The following CFAP46 variants were observed in gnomAD, a reference collection of about 807,000 sequenced individuals.
CFAP46 encodes the protein cilia and flagella associated protein 46.
CFAP46 carries 245 observed loss-of-function variants against 325.7 expected under a neutral mutation model. That is an observed-to-expected ratio of 0.75 (90% CI 0.68 to 0.84). CFAP46 has a LOEUF of 0.84. Among genes scored for constraint, CFAP46 ranks in the 40% least tolerant of loss-of-function variants. CFAP46 has a pLI of 0.00. For missense variants in CFAP46, 3,346 were observed against 3,543.0 expected (o/e 0.94, Z 1.41); for synonymous variants, 1,523 against 1,495.9 (o/e 1.02, Z -0.42).
rs1310003467 is a variant in CFAP46, at chr10:132,886,820, T to C, written c.3305-861A>G. ...GGGAAGGGGTGCTGAGTGGCGGGTC[T>C]GTGCCTTGTTGCTGCCCCCGACCCA... On this transcript the variant is annotated intron_variant, in intron 25 of 57. Coordinates refer to ENST00000368586, the MANE Select transcript of CFAP46 (RefSeq NM_001200049.3). This position sits in a 1 kb window ranked among gnomAD's most constrained non-coding sequence, Gnocchi z 5.8. 6.6e-6 allele frequency among the ~76,000 whole-genome samples: 1 copy of C among 152,002 alleles called. No individual in the cohort carries two copies. Among genetic ancestry groups the C allele is most frequent in the East Asian group, 1.9e-4 (1 of 5,184 alleles).
rs369789762 is a variant in CFAP46 at position 132,832,780 on chromosome 10, C to T, written c.7117+578G>A. 7.2e-5 allele frequency: 34 copies of T among 471,126 alleles called. No homozygotes were observed. The highest frequency in any genetic ancestry group is 4.8e-4 in the African/African-American group (24 of 50,034). The allele number at this position is 471,126 out of a possible 1,614,324, so 29.2% of individuals were successfully genotyped here. A position where few individuals can be genotyped will look rare whatever the true frequency, so the allele number is the denominator to read the frequency against. On this transcript the variant is annotated intron_variant, in intron 50 of 57. Coordinates refer to ENST00000368586, the MANE Select transcript of CFAP46 (RefSeq NM_001200049.3). The surrounding 1 kb of genome is among the most constrained non-coding windows in gnomAD (Gnocchi z 4.1). The stretch of plus-strand genomic sequence containing the variant: ...CCAGCCGAGGTCAGGGCCTTCCGCG[C>T]GCTCCCTCGTGCTTTTCACTGTCTG...
chr10:132,926,779 C>A, intron 9 of CFAP46, 113 bp from the exon 10 acceptor site: 1 of 797,124 alleles, frequency 1.3e-6, no homozygotes, highest in Middle Eastern at 2.4e-4. Context: ...TTAACAAATA[C>A]AAGTCACACG....
chr10:132,815,817 T>G (rs552501892), intron 50 of CFAP46, among the ~76,000 whole-genome samples: 38 of 152,226 alleles, frequency 2.5e-4, no homozygotes, highest in Non-Finnish European at 4.4e-4. Context: ...AAAGCTGAAC[T>G]GAGTGATGGC....
At chr10:132,928,680 G>T (rs1849846612) in intron 9 of CFAP46, among the ~76,000 whole-genome samples, 3 of 152,160 alleles carry the variant, frequency 2.0e-5, no homozygotes, top group African/African-American at 7.2e-5. Flanking sequence ...ACACAGGGAG[G>T]CCCCAGCATG....
Position 132,898,685 on chromosome 10 carries a change from C to G in CFAP46, c.3219+274G>C, listed in dbSNP as rs117167460. ...TAAGGCAGGGACTGTGCTGGCCTCA[C>G]TCTACCCGCTGCTGTGTGTCTCCAG... On this transcript the variant is annotated intron_variant, in intron 24 of 57. Transcript: ENST00000368586. The G allele has an allele frequency of 3.9e-4, 202 of 522,614 alleles. 1 individual carries two copies. The East Asian group carries it at 7.2e-3, about 19-fold the overall frequency. 32.4% of individuals were successfully genotyped at this position (522,614 alleles called of 1,614,324 possible).
chr10:132,811,037 G>T lies in CFAP46; in HGVS notation c.7502-6C>A. On this transcript the variant is annotated splice_polypyrimidine_tract_variant and splice_region_variant and intron_variant, in intron 55 of 57. Transcript: ENST00000368586. The stretch of plus-strand genomic sequence containing the variant: ...CAGGACTGCCACCTGGCACTCTGCC[G>T]GGACGGGAAGGGCAGCTCAGCAGCC... 6.3e-7 allele frequency: 1 copy of T among 1,578,570 alleles called. No homozygotes were observed. Among genetic ancestry groups the T allele is most frequent in the South Asian group, 1.2e-5 (1 of 86,446 alleles).
chr10:132,891,487 C>T (rs540227650), intron 25 of CFAP46, among the ~76,000 whole-genome samples: 90 of 152,342 alleles, frequency 5.9e-4, no homozygotes, highest in Non-Finnish European at 8.7e-4. Flanking sequence ...AGCATAGCAT[C>T]GCATGACAGA....
chr10:132,942,421 C>T lies in CFAP46; in HGVS notation c.49+15G>A. The T allele has an allele frequency of 7.4e-7, 1 of 1,355,250 alleles. No individual in the cohort carries two copies. Among genetic ancestry groups the T allele is most frequent in the Non-Finnish European group, 9.4e-7 (1 of 1,061,198 alleles). 84.0% of individuals were successfully genotyped at this position (1,355,250 alleles called of 1,614,324 possible). On this transcript the variant is annotated intron_variant, in intron 1 of 57. Coordinates refer to ENST00000368586, the MANE Select transcript of CFAP46 (RefSeq NM_001200049.3). ...GGCCTCCCCGGGGCGGGGGTCGTGG[C>T]GGGCCTGGGGTCACCTTGCTGGCTC...
chr10:132,850,132 C>G, intron 41 of CFAP46, 112 bp downstream of exon 41: 1 of 1,112,230 alleles, frequency 9.0e-7, no homozygotes, highest in Non-Finnish European at 1.3e-6. Context: ...ATTTTTCTCT[C>G]TTCCTGGGGC....
In CFAP46 at chr10:132,892,355, C is replaced by T. The variant is rs548343612; in HGVS notation, c.3282G>A (p.Thr1094=). 2.0e-4 allele frequency: 309 copies of T among 1,550,810 alleles called. No individual in the cohort carries two copies. In the African/African-American group the frequency reaches 2.3e-3, roughly 12 times the overall value. The change falls in exon 25 of 58, where the codon ACG becomes ACA. Residue 1094 remains threonine (T), a synonymous_variant. Coordinates refer to ENST00000368586, the MANE Select transcript of CFAP46 (RefSeq NM_001200049.3). Reference sequence around the variant, plus strand: ...AACCTGGAAGAAAATATCCTTCGGTCGTCCCGCCACCCTGGAAGTCGGCCG... The same window carrying T: ...AACCTGGAAGAAAATATCCTTCGGTTGTCCCGCCACCCTGGAAGTCGGCCG... ...WPTADFQGGG[T]TEGYFLPGAE...
intron 44 of CFAP46, among the ~76,000 whole-genome samples, chr10:132,844,717 G>A (rs937760685): frequency 5.3e-5 from 8 of 152,186 alleles, no homozygotes; most frequent in Non-Finnish European, 7.3e-5. Context: ...CCTATGGGGT[G>A]AGCTCTGCCT....
intron 22 of CFAP46, among the ~76,000 whole-genome samples, chr10:132,901,820 C>T (rs977726963): frequency 6.6e-6 from 1 of 152,202 alleles, no homozygotes; most frequent in African/African-American, 2.4e-5. Flanking sequence ...TGTCTTGATT[C>T]TGTCTTCATT....
chr10:132,833,681 G>A (rs559862407), intron 49 of CFAP46, among the ~76,000 whole-genome samples, 156 bp from the exon 50 acceptor site: 5 of 152,326 alleles, frequency 3.3e-5, no homozygotes, highest in South Asian at 4.1e-4. Context: ...GCCCCAGAAC[G>A]GGGCGAGGAA....
intron 8 of CFAP46, among the ~76,000 whole-genome samples, chr10:132,930,233 G>A (rs573621939): frequency 6.6e-6 from 1 of 151,586 alleles, no homozygotes; most frequent in East Asian, 1.9e-4. Flanking sequence ...TTCACACAGA[G>A]CCCGAACCTT....
At chr10:132,942,127 G>A in intron 1 of CFAP46, 23 bp from the exon 2 acceptor site, 2 of 1,551,244 alleles carry the variant, frequency 1.3e-6, no homozygotes, top group Non-Finnish European at 1.7e-6. Flanking sequence ...GGTGGTTGAG[G>A]AAGGTTTGGT....
intron 9 of CFAP46, 37 bp from the exon 10 acceptor site, chr10:132,926,703 T>C: frequency 2.8e-6 from 4 of 1,414,678 alleles, no homozygotes; most frequent in South Asian, 1.2e-5. Flanking sequence ...GATGGAGATC[T>C]GTAAGGGAAG....
chr10:132,820,124 G>A (rs1274743499), intron 50 of CFAP46, among the ~76,000 whole-genome samples: 1 of 150,640 alleles, frequency 6.6e-6, no homozygotes, highest in East Asian at 1.9e-4. Flanking sequence ...TGGCTAACAG[G>A]TTGATGAAAA....
At chr10:132,841,055 G>A (rs1350352578) in intron 44 of CFAP46, among the ~76,000 whole-genome samples, 1 of 152,138 alleles carries the variant, frequency 6.6e-6, no homozygotes, top group Non-Finnish European at 1.5e-5. Flanking sequence ...ATCCATTCAT[G>A]AGTTTTGGAG....
chr10:132,875,975 C>T (rs1283656356), intron 31 of CFAP46, among the ~76,000 whole-genome samples: 1 of 152,198 alleles, frequency 6.6e-6, no homozygotes, highest in East Asian at 1.9e-4. Context: ...CACATGGCTG[C>T]TCATGTGATT....
Sources: gnomAD v4.1 joint callset for allele counts (sites outside exome capture counted in the v4.1 genomes callset) on GRCh38, gnomAD v4.1.1 for gene constraint, Gnocchi (gnomAD v3.1) non-coding constraint, MANE v1.5 for transcripts, NCBI Gene and HGNC (gene_info 2026-07-23, HGNC 2026-07-21) for gene names.